FCHSD2: variants seen among roughly 807,000 people sequenced by gnomAD.
FCHSD2 encodes the protein F-BAR and double SH3 domains protein 2.
FCHSD2 carries 38 observed loss-of-function variants against 108.1 expected under a neutral mutation model. The observed-to-expected ratio is 0.35, with a 90% CI of 0.27 to 0.46. The LOEUF (loss-of-function observed/expected upper bound fraction) is 0.46, where lower values mean the gene tolerates loss of function less well. FCHSD2 is among the 20% of genes least tolerant of loss of function. The pLI is 1.00. For missense variants in FCHSD2, 751 were observed against 897.8 expected, an observed-to-expected ratio of 0.84 and a Z score of 2.09; for synonymous variants, 279 against 314.7, an observed-to-expected ratio of 0.89 and a Z score of 1.20.
At chr11:73,110,380 C>G (rs531567343) in intron 2 of FCHSD2, among the ~76,000 whole-genome samples, 1 of 152,086 alleles carries the variant, frequency 6.6e-6, no homozygotes, top group South Asian at 2.1e-4. Flanking sequence ...TGTTATTGCT[C>G]TGTTCAGGTT....
rs542754998 is a variant in FCHSD2, at chr11:72,982,959, G to C, written c.705+1129C>G. On this transcript the variant is annotated intron_variant, in intron 8 of 19. Transcript: ENST00000409418. ...GAGGATCACTTGAAGCCAGGAGTTTGAGGCCAGCCTGGTCAACATAGCAAG... is the reference window on the plus strand; with the variant it reads ...GAGGATCACTTGAAGCCAGGAGTTTCAGGCCAGCCTGGTCAACATAGCAAG... 2.0e-5 allele frequency among the ~76,000 whole-genome samples: 3 copies of C among 152,248 alleles called. No homozygotes were observed. In the East Asian group the frequency reaches 5.8e-4, roughly 29 times the overall value.
intron 2 of FCHSD2, among the ~76,000 whole-genome samples, chr11:73,092,309 G>GTT (rs948699430): frequency 4.9e-5 from 7 of 144,286 alleles, no homozygotes; most frequent in African/African-American, 1.3e-4. Context: ...TTAAGTTTTT[G>GTT]TTTTTTTTTT....
At chr11:72,958,257 C>T (rs1263106493) in intron 8 of FCHSD2, among the ~76,000 whole-genome samples, 2 of 152,180 alleles carry the variant, frequency 1.3e-5, no homozygotes, top group Non-Finnish European at 2.9e-5. Flanking sequence ...GTGGCTCATA[C>T]CTGTAATCCT....
chr11:73,045,764 G>A (rs1440917302), intron 3 of FCHSD2, among the ~76,000 whole-genome samples: 1 of 151,158 alleles, frequency 6.6e-6, no homozygotes, highest in Non-Finnish European at 1.5e-5. Flanking sequence ...TCTGGGGACT[G>A]TTGTGGGGTG....
chr11:73,088,049 ATTG>A (rs577059117), intron 2 of FCHSD2, among the ~76,000 whole-genome samples: 19 of 152,054 alleles, frequency 1.2e-4, no homozygotes, highest in Non-Finnish European at 2.2e-4. Flanking sequence ...GTGGCTAATT[ATTG>A]TTGTTGTTCC....
intron 4 of FCHSD2, among the ~76,000 whole-genome samples, chr11:73,010,520 C>T (rs779409632): frequency 1.3e-5 from 2 of 152,144 alleles, no homozygotes; most frequent in Non-Finnish European, 2.9e-5. Context: ...TCACTTCTTC[C>T]AGTTTTTTGA....
intron 3 of FCHSD2, among the ~76,000 whole-genome samples, chr11:73,083,435 G>C (rs1238649025): frequency 6.6e-6 from 1 of 152,024 alleles, no homozygotes; most frequent in African/African-American, 2.4e-5. Flanking sequence ...TGTAGTCCCA[G>C]CTACTCAGGA....
rs762048373 is a variant in FCHSD2 at position 72,849,860 on chromosome 11, GC to G, written c.1337del (p.Gly446AlafsTer22). On this transcript the variant is annotated frameshift_variant, in exon 14 of 20. Transcript: ENST00000409418. LOFTEE classifies it high-confidence loss of function. Reference sequence around the variant, plus strand: ...CATCCATGTTATCTTCAAACTCTTCGCCTTCTTCTCTTTCGGTATCTGCATT... The same window carrying G: ...CATCCATGTTATCTTCAAACTCTTCGCTTCTTCTCTTTCGGTATCTGCATT... ...SLNADTEREE[G>X]EEFEDNMDVF... 3 of 1,613,134 alleles carry G rather than the reference GC, an allele frequency of 1.9e-6. No homozygotes were observed. Among genetic ancestry groups the G allele is most frequent in the Non-Finnish European group, 2.5e-6 (3 of 1,179,202 alleles).
At chr11:72,875,708 TA>T (rs1455746381) in intron 12 of FCHSD2, among the ~76,000 whole-genome samples, 1 of 152,218 alleles carries the variant, frequency 6.6e-6, no homozygotes, top group East Asian at 1.9e-4. Context: ...ACCATTATAT[TA>T]AAGGTTCCCA....
At chr11:73,013,753 T>C (rs1342298616) in intron 4 of FCHSD2, among the ~76,000 whole-genome samples, 1 of 152,212 alleles carries the variant, frequency 6.6e-6, no homozygotes, top group Non-Finnish European at 1.5e-5. Flanking sequence ...TTAGGGTTTA[T>C]AAGCTAGCCT....
At chr11:72,916,932 G>A (rs535724003) in intron 9 of FCHSD2, among the ~76,000 whole-genome samples, 1 of 147,852 alleles carries the variant, frequency 6.8e-6, no homozygotes, top group Non-Finnish European at 1.5e-5. Flanking sequence ...AGTTAATTTT[G>A]TGAGGTAAGG....
intron 8 of FCHSD2, among the ~76,000 whole-genome samples, chr11:72,958,232 T>C (rs757370220): frequency 2.1e-4 from 32 of 152,118 alleles, no homozygotes; most frequent in Non-Finnish European, 3.8e-4. Context: ...AAGTGACAAG[T>C]TCTGGCCAGG....
intron 14 of FCHSD2, among the ~76,000 whole-genome samples, chr11:72,849,496 A>T (rs1340566676): frequency 6.6e-6 from 1 of 152,224 alleles, no homozygotes; most frequent in African/African-American, 2.4e-5. Flanking sequence ...TTAAGAAGGA[A>T]CTATTTGAGC....
intron 2 of FCHSD2, among the ~76,000 whole-genome samples, chr11:73,127,751 T>C (rs1190400754): frequency 6.6e-6 from 1 of 152,194 alleles, no homozygotes; most frequent in African/African-American, 2.4e-5. Context: ...CCTTCCCTCC[T>C]TTAAATTTAG....
At chr11:72,966,655 G>A (rs1591442079) in intron 8 of FCHSD2, among the ~76,000 whole-genome samples, 1 of 152,090 alleles carries the variant, frequency 6.6e-6, no homozygotes, top group African/African-American at 2.4e-5. Context: ...GTCAGTTACT[G>A]TGCTAGATTC....
At chr11:72,945,767 T>C (rs553870165) in intron 8 of FCHSD2, among the ~76,000 whole-genome samples, 1 of 152,302 alleles carries the variant, frequency 6.6e-6, no homozygotes, top group South Asian at 2.1e-4. Flanking sequence ...AAAGAAGACA[T>C]TTATGCAGCC....
At chr11:72,852,241 T>C (rs1341450644) in intron 13 of FCHSD2, among the ~76,000 whole-genome samples, 4 of 152,014 alleles carry the variant, frequency 2.6e-5, no homozygotes, top group Non-Finnish European at 5.9e-5. Context: ...GGTGACGTTA[T>C]GGAAAAAAGG....
At chr11:72,839,431 C>A (rs1179769986) in intron 19 of FCHSD2, among the ~76,000 whole-genome samples, 1 of 152,162 alleles carries the variant, frequency 6.6e-6, no homozygotes, top group Non-Finnish European at 1.5e-5. Flanking sequence ...CAGAGGCAAG[C>A]AAGAGTCCAA....
At chr11:72,956,215 TAAAC>T (rs1856708341) in intron 8 of FCHSD2, among the ~76,000 whole-genome samples, 1 of 152,066 alleles carries the variant, frequency 6.6e-6, no homozygotes, top group Admixed American at 6.5e-5. Context: ...TATAAATAAA[TAAAC>T]AAGCACATAA....
Sources: gnomAD v4.1 joint callset for allele counts (sites outside exome capture counted in the v4.1 genomes callset) on GRCh38, gnomAD v4.1.1 for gene constraint, MANE v1.5 for transcripts, NCBI Gene and HGNC (gene_info 2026-07-23, HGNC 2026-07-21) for gene names.